Variants in ADCY3 observed in about 807,000 individuals in gnomAD.
ADCY3 encodes the protein adenylate cyclase type 3.
ADCY3 carries 70 observed loss-of-function variants against 119.4 expected under a neutral mutation model. That is an observed-to-expected ratio of 0.59 (90% CI 0.48 to 0.72). The LOEUF (loss-of-function observed/expected upper bound fraction) is 0.72. Among genes scored for constraint, ADCY3 ranks in the 30% least tolerant of loss-of-function variants. ADCY3 has a pLI of 0.00. For missense variants in ADCY3, 1,238 were observed against 1,541.6 expected (o/e 0.80, Z 3.30); for synonymous variants, 672 against 621.4 (o/e 1.08, Z -1.21).
chr2:24,902,270 G>A (rs539333337), intron 2 of ADCY3, among the ~76,000 whole-genome samples: 1 of 151,782 alleles, frequency 6.6e-6, no homozygotes, highest in East Asian at 1.9e-4. Flanking sequence ...GTGTAAAGAT[G>A]AGGTCTCACT....
chr2:24,825,751 T>G, intron 16 of ADCY3: 1 of 420,896 alleles, frequency 2.4e-6, no homozygotes, highest in Non-Finnish European at 4.3e-6. Flanking sequence ...GCCTAGGGGA[T>G]ATTGATTTGA....
rs1372484549 is a variant in ADCY3 at position 24,822,540 on chromosome 2, T to C, written c.2974A>G (p.Asn992Asp). The change falls in exon 19 of 22, where the codon AAC (asparagine) becomes GAC (aspartate). Residue 992 changes from asparagine (N) to aspartate (D), a missense_variant. Asn to Asp is a conservative substitution (Grantham distance 23). Transcript: ENST00000679454. ...MAASGVTPDV[N>D]TNGFASSNKE... ...TTGGAGCTGGCAAAGCCATTGGTGT[T>C]GACATCGGGGGTGACTCCTGAAGCC... 3 of 1,613,630 alleles carry C rather than the reference T, an allele frequency of 1.9e-6. No homozygotes were observed. Among genetic ancestry groups the C allele is most frequent in the Non-Finnish European group, 2.5e-6 (3 of 1,179,878 alleles).
chr2:24,837,770 G>T (rs2148537627), intron 8 of ADCY3, among the ~76,000 whole-genome samples: 3 of 152,290 alleles, frequency 2.0e-5, no homozygotes, highest in Middle Eastern at 6.8e-3. Flanking sequence ...GGAGGTGTTT[G>T]GGGGTTGGTG....
intron 3 of ADCY3, among the ~76,000 whole-genome samples, chr2:24,858,055 G>C (rs1254201495): frequency 6.9e-6 from 1 of 145,340 alleles, no homozygotes; most frequent in Non-Finnish European, 1.5e-5. Context: ...CTGGAGTGCT[G>C]AAGTGTAGTC....
chr2:24,892,253 CTT>C (rs34728703), intron 2 of ADCY3, among the ~76,000 whole-genome samples: 5 of 144,210 alleles, frequency 3.5e-5, no homozygotes, highest in Non-Finnish European at 3.0e-5. Flanking sequence ...TGTATTGAGT[CTT>C]TTTTTTTTTT....
chr2:24,866,580 A>AG (rs1365184963), intron 3 of ADCY3, among the ~76,000 whole-genome samples: 6 of 150,230 alleles, frequency 4.0e-5, no homozygotes, highest in East Asian at 3.9e-4. Context: ...AAAAAAAAAA[A>AG]AAAAAGAAAA....
At chr2:24,850,904 G>A (rs1672211673) in intron 3 of ADCY3, among the ~76,000 whole-genome samples, 2 of 152,300 alleles carry the variant, frequency 1.3e-5, no homozygotes, top group South Asian at 2.1e-4. Context: ...AGCTGACGCT[G>A]GGATCTATGT....
intron 2 of ADCY3, among the ~76,000 whole-genome samples, chr2:24,876,678 G>C (rs1350712470): frequency 6.6e-6 from 1 of 152,180 alleles, no homozygotes; most frequent in Non-Finnish European, 1.5e-5. Flanking sequence ...GGAAGAACTT[G>C]ATGCTGGGTA....
chr2:24,881,806 CCA>C (rs10616365), intron 2 of ADCY3, among the ~76,000 whole-genome samples: 15,871 of 126,124 alleles, frequency 0.13, 2,724 homozygotes, highest in African/African-American at 0.43. Context: ...CGAGGCCATT[CCA>C]CAGTGTGTCT....
At chr2:24,861,684 A>G (rs559640127) in intron 3 of ADCY3, among the ~76,000 whole-genome samples, 169 of 152,314 alleles carry the variant, frequency 1.1e-3, no homozygotes, top group African/African-American at 3.8e-3. Flanking sequence ...TGAAACGTCA[A>G]ATCAGCCCAG....
Position 24,819,860 on chromosome 2 carries a change from G to C in ADCY3, c.*72C>G. ...ATGAGTGTGCACTTCAATCCAGGAA[G>C]GTCGGGACTTCCTTCAGTTTCAAAA... On this transcript the variant is annotated 3_prime_UTR_variant, in exon 22 of 22. Transcript: ENST00000679454. 1.3e-6 allele frequency: 2 copies of C among 1,501,224 alleles called. No homozygotes were observed. Among genetic ancestry groups the C allele is most frequent in the Non-Finnish European group, 1.8e-6 (2 of 1,101,560 alleles). The allele number at this position is 1,501,224 out of a possible 1,614,324, so 93.0% of individuals were successfully genotyped here.
rs1419617198 is a variant in ADCY3 at position 24,919,257 on chromosome 2, C to A, written c.-197-73G>T. 10 of 450,840 alleles carry A rather than the reference C, an allele frequency of 2.2e-5. No individual in the cohort carries two copies. The Admixed American group carries it at 3.8e-4, about 17-fold the overall frequency. 27.9% of individuals were successfully genotyped at this position (450,840 alleles called of 1,614,324 possible). A position where few individuals can be genotyped will look rare whatever the true frequency, so the allele number is the denominator to read the frequency against. On this transcript the variant is annotated intron_variant, in intron 1 of 21. Transcript: ENST00000679454. This position sits in a 1 kb window ranked among gnomAD's most constrained non-coding sequence, Gnocchi z 5.5. Reference sequence around the variant, plus strand: ...CGGTTTCCCCATGACCCGCCCTAACCCTCATAAAAGGATCTCTGCTGCAAG... The same window carrying A: ...CGGTTTCCCCATGACCCGCCCTAACACTCATAAAAGGATCTCTGCTGCAAG...
At chr2:24,901,060 C>T (rs1004405508) in intron 2 of ADCY3, among the ~76,000 whole-genome samples, 3 of 151,986 alleles carry the variant, frequency 2.0e-5, no homozygotes, top group South Asian at 2.1e-4. Flanking sequence ...AGTGAGACTC[C>T]GTCTCAAAAA....
chr2:24,879,954 T>C (rs1676198436), intron 2 of ADCY3, among the ~76,000 whole-genome samples: 1 of 152,196 alleles, frequency 6.6e-6, no homozygotes, highest in African/African-American at 2.4e-5. Context: ...CCATGCTGCC[T>C]TGGGCAAATT....
intron 2 of ADCY3, among the ~76,000 whole-genome samples, chr2:24,912,587 ATGTG>A (rs201400762): frequency 1.8e-4 from 7 of 38,460 alleles, no homozygotes; most frequent in Admixed American, 5.0e-4. Flanking sequence ...GTGTGTGTGC[ATGTG>A]TGTGTGTGTG....
chr2:24,869,546 C>T (rs540433784), intron 3 of ADCY3, among the ~76,000 whole-genome samples: 90 of 152,252 alleles, frequency 5.9e-4, no homozygotes, highest in Non-Finnish European at 1.2e-3. Flanking sequence ...GCTGGGACTA[C>T]AGGCATGCAC....
At chr2:24,836,342 C>A (rs1670327924) in intron 9 of ADCY3, among the ~76,000 whole-genome samples, 1 of 152,242 alleles carries the variant, frequency 6.6e-6, no homozygotes, top group Non-Finnish European at 1.5e-5. Flanking sequence ...CTCCTGTCCC[C>A]CTCACGCGGT....
intron 2 of ADCY3, among the ~76,000 whole-genome samples, chr2:24,901,981 A>G (rs1678954231): frequency 6.7e-6 from 1 of 149,516 alleles, no homozygotes; most frequent in Non-Finnish European, 1.5e-5. Flanking sequence ...CCTGTATTTT[A>G]CTGACTTTTT....
chr2:24,869,022 T>A (rs1482137474), intron 3 of ADCY3, among the ~76,000 whole-genome samples: 4 of 152,202 alleles, frequency 2.6e-5, no homozygotes, highest in Non-Finnish European at 5.9e-5. Flanking sequence ...AGACTCCGTC[T>A]CAAAATAAAT....
Sources: allele counts gnomAD v4.1 joint callset (sites outside exome capture counted in the v4.1 genomes callset), GRCh38; gene constraint gnomAD v4.1.1; non-coding constraint Gnocchi (gnomAD v3.1); transcripts MANE v1.5; gene names NCBI Gene and HGNC (gene_info 2026-07-23, HGNC 2026-07-21).